The following KCNIP4 variants were observed in gnomAD, a reference collection of about 807,000 sequenced individuals.
KCNIP4 encodes potassium voltage-gated channel interacting protein 4.
Under a neutral mutation model 34.0 loss-of-function variants are expected in KCNIP4, and 12 were observed. That is an observed-to-expected ratio of 0.35 (90% CI 0.23 to 0.57). The LOEUF (loss-of-function observed/expected upper bound fraction) is 0.57. KCNIP4 is among the 20% of genes least tolerant of loss of function. The pLI is 0.83. For missense variants in KCNIP4, 238 were observed against 311.7 expected (o/e 0.76, Z 1.78); for synonymous variants, 124 against 102.2 (o/e 1.21, Z -1.29).
chr4:21,652,980 T>C (rs900728459), intron 1 of KCNIP4, among the ~76,000 whole-genome samples: 1 of 152,182 alleles, frequency 6.6e-6, no homozygotes, highest in Non-Finnish European at 1.5e-5. Context: ...ATATGTCATA[T>C]AATTCAATCC....
intron 1 of KCNIP4, among the ~76,000 whole-genome samples, chr4:21,553,853 A>AC (rs1301931963): frequency 6.6e-6 from 1 of 152,016 alleles, no homozygotes; most frequent in Non-Finnish European, 1.5e-5. Flanking sequence ...TTTAGGACTT[A>AC]CCCCAAAATG....
chr4:21,234,032 A>T (rs13117773), intron 1 of KCNIP4, among the ~76,000 whole-genome samples: 3 of 120,774 alleles, frequency 2.5e-5, no homozygotes, highest in African/African-American at 3.5e-5. Context: ...ATTATATATA[A>T]CATATATAAC....
At chr4:21,138,853 G>A (rs897057643) in intron 1 of KCNIP4, among the ~76,000 whole-genome samples, 2 of 152,096 alleles carry the variant, frequency 1.3e-5, no homozygotes, top group Admixed American at 6.5e-5. Context: ...GCAGGAGTGC[G>A]GGCAGCCTGG....
intron 1 of KCNIP4, among the ~76,000 whole-genome samples, chr4:21,528,061 C>G (rs1022942341): frequency 6.6e-6 from 1 of 152,112 alleles, no homozygotes; most frequent in Non-Finnish European, 1.5e-5. Context: ...ACAGTATCAT[C>G]GAGTTCTAAG....
intron 1 of KCNIP4, among the ~76,000 whole-genome samples, chr4:21,049,193 G>A (rs28678641): frequency 0.027 from 4,162 of 151,440 alleles, 167 homozygotes; most frequent in African/African-American, 0.094. Context: ...CTCGTGATCC[G>A]CCCGCCTCGG....
At chr4:21,580,062 T>G (rs1247398735) in intron 1 of KCNIP4, among the ~76,000 whole-genome samples, 1 of 152,140 alleles carries the variant, frequency 6.6e-6, no homozygotes, top group Non-Finnish European at 1.5e-5. Context: ...CATATTTACT[T>G]GTGTAGTTAA....
intron 1 of KCNIP4, among the ~76,000 whole-genome samples, chr4:21,354,711 A>T (rs1167593089): frequency 6.6e-6 from 1 of 152,092 alleles, no homozygotes; most frequent in Non-Finnish European, 1.5e-5. Context: ...AGACTTTAAC[A>T]CCCCACTGTC....
chr4:21,049,151 C>T (rs1211928210), intron 1 of KCNIP4, among the ~76,000 whole-genome samples: 1 of 151,134 alleles, frequency 6.6e-6, no homozygotes, highest in African/African-American at 2.4e-5. Context: ...GGGGTTTCAC[C>T]GTGTTAGCCA....
chr4:20,799,567 C>A (rs1204421440), intron 3 of KCNIP4, among the ~76,000 whole-genome samples: 1 of 152,170 alleles, frequency 6.6e-6, no homozygotes, highest in Non-Finnish European at 1.5e-5. Flanking sequence ...AGATGTCCCA[C>A]CTTTCCAGGG....
At chr4:20,976,542 TCA>T (rs1735507672) in intron 1 of KCNIP4, among the ~76,000 whole-genome samples, 4 of 152,186 alleles carry the variant, frequency 2.6e-5, no homozygotes, top group Admixed American at 2.6e-4. Flanking sequence ...AGTAACTTGT[TCA>T]CAGTTAGTGA....
intron 1 of KCNIP4, among the ~76,000 whole-genome samples, chr4:21,567,308 C>G (rs1481763909): frequency 6.6e-6 from 1 of 151,726 alleles, no homozygotes; most frequent in African/African-American, 2.4e-5. Flanking sequence ...TCTCATGAAG[C>G]TAGGGGTGGC....
intron 1 of KCNIP4, among the ~76,000 whole-genome samples, chr4:21,048,318 A>G (rs1329936931): frequency 1.3e-5 from 2 of 152,124 alleles, no homozygotes; most frequent in Non-Finnish European, 2.9e-5. Context: ...GAAGATGACA[A>G]GAAGAGATGG....
At chr4:21,496,383 T>G (rs1285031496) in intron 1 of KCNIP4, among the ~76,000 whole-genome samples, 1 of 152,130 alleles carries the variant, frequency 6.6e-6, no homozygotes, top group Non-Finnish European at 1.5e-5. Context: ...CAGCTCAGCT[T>G]GGGGACACAG....
chr4:21,736,859 C>A (rs1716026326), intron 1 of KCNIP4, among the ~76,000 whole-genome samples: 1 of 152,060 alleles, frequency 6.6e-6, no homozygotes, highest in East Asian at 1.9e-4. Flanking sequence ...AGTGACTAAT[C>A]TTTGATTTAC....
At chr4:20,967,585 T>C (rs1222242557) in intron 1 of KCNIP4, among the ~76,000 whole-genome samples, 1 of 152,086 alleles carries the variant, frequency 6.6e-6, no homozygotes, top group Admixed American at 6.6e-5. Context: ...AACACATATA[T>C]AGACCAATGA....
intron 1 of KCNIP4, among the ~76,000 whole-genome samples, chr4:21,672,731 A>G (rs1749599117): frequency 6.6e-6 from 1 of 152,198 alleles, no homozygotes; most frequent in African/African-American, 2.4e-5. Flanking sequence ...GCATATTAAA[A>G]CAGCAAACAT....
intron 1 of KCNIP4, among the ~76,000 whole-genome samples, chr4:21,737,560 G>T (rs1375982424): frequency 6.6e-6 from 1 of 151,990 alleles, no homozygotes. Context: ...GCTGTCATGT[G>T]GTCAAAACAA....
chr4:20,772,740 C>T (rs573703595), intron 3 of KCNIP4, among the ~76,000 whole-genome samples: 3 of 151,880 alleles, frequency 2.0e-5, no homozygotes, highest in Non-Finnish European at 4.4e-5. Context: ...CTCCTAGGTT[C>T]AAGCGATTCT....
At chr4:20,841,711 A>T (rs1719741615) in intron 3 of KCNIP4, among the ~76,000 whole-genome samples, 1 of 151,096 alleles carries the variant, frequency 6.6e-6, no homozygotes, top group Non-Finnish European at 1.5e-5. Flanking sequence ...GATGTCTTAC[A>T]CTCCATTTTG....
Sources: allele counts gnomAD v4.1 joint callset (sites outside exome capture counted in the v4.1 genomes callset), GRCh38; gene constraint gnomAD v4.1.1; transcripts MANE v1.5; gene names NCBI Gene and HGNC (gene_info 2026-07-23, HGNC 2026-07-21).